The following ERI3 variants were observed in gnomAD, a reference collection of about 807,000 sequenced individuals.
The protein encoded by ERI3 is ERI1 exoribonuclease 3.
In ERI3, 18 loss-of-function variants were observed where a neutral mutation model predicts 44.4. The observed-to-expected ratio is 0.41, with a 90% confidence interval of 0.28 to 0.60. The LOEUF is 0.60. Among genes scored for constraint, ERI3 ranks in the 20% least tolerant of loss-of-function variants. The pLI is 0.36. For synonymous variants in ERI3, 183 were observed against 164.8 expected, an observed-to-expected ratio of 1.11 and a Z score of -0.84; for missense variants, 294 against 435.5, an observed-to-expected ratio of 0.68 and a Z score of 2.89.
intron 7 of ERI3, among the ~76,000 whole-genome samples, chr1:44,264,851 G>C (rs1037175419): frequency 6.6e-6 from 1 of 152,208 alleles, no homozygotes; most frequent in African/African-American, 2.4e-5. Context: ...CTAATTATGG[G>C]CTCAAACTAT....
intron 6 of ERI3, among the ~76,000 whole-genome samples, chr1:44,299,248 T>A (rs1460777543): frequency 6.6e-6 from 1 of 152,138 alleles, no homozygotes; most frequent in Non-Finnish European, 1.5e-5. Flanking sequence ...AGTGGCACAA[T>A]CATGGCTCAT....
chr1:44,265,654 A>T (rs1159428055), intron 7 of ERI3, among the ~76,000 whole-genome samples: 1 of 139,952 alleles, frequency 7.1e-6, no homozygotes, highest in African/African-American at 2.8e-5. Flanking sequence ...TGGGAGAATT[A>T]AAAAAAAAAA....
At position 44,339,340 on chromosome 1, in the gene ERI3, T is replaced by TAAAAA. The variant is rs372090718; in HGVS notation, c.212-23_212-19dup. On this transcript the variant is annotated intron_variant, in intron 2 of 8. Transcript: ENST00000372257. ...ATCTAAAACTTAGGGGAGGAAAGTT[T>TAAAAA]AAAAAAAAAAAAAAAAAAGAAAAGA... 13 of 976,690 alleles carry TAAAAA rather than the reference T, an allele frequency of 1.3e-5. No individual in the cohort carries two copies. Among genetic ancestry groups the TAAAAA allele is most frequent in the South Asian group, 3.6e-5 (1 of 28,102 alleles). 60.5% of individuals were successfully genotyped at this position (976,690 alleles called of 1,614,324 possible).
At chr1:44,292,177 G>T (rs1645520617) in intron 6 of ERI3, among the ~76,000 whole-genome samples, 1 of 152,084 alleles carries the variant, frequency 6.6e-6, no homozygotes, top group African/African-American at 2.4e-5. Flanking sequence ...GTCAGGAAAA[G>T]GATACTGGAG....
At chr1:44,353,607 A>T in intron 1 of ERI3, 1 of 985,448 alleles carries the variant, frequency 1.0e-6, no homozygotes, top group Non-Finnish European at 1.2e-6. Context: ...CCCCTGGGAA[A>T]AGGCCACTCA....
intron 7 of ERI3, among the ~76,000 whole-genome samples, chr1:44,272,598 T>C (rs1444157526): frequency 6.6e-6 from 1 of 152,088 alleles, no homozygotes; most frequent in Non-Finnish European, 1.5e-5. Context: ...TCCCAGCACT[T>C]TGGGAGGTTG....
intron 8 of ERI3, among the ~76,000 whole-genome samples, chr1:44,239,458 G>C (rs937589034): frequency 6.6e-6 from 1 of 152,196 alleles, no homozygotes; most frequent in Non-Finnish European, 1.5e-5. Flanking sequence ...AGAACTAAGC[G>C]GCTGCAGGAG....
chr1:44,228,368 C>T lies in ERI3; in HGVS notation c.932-6728G>A, dbSNP rs1400466239. ...AGGCGATTTCTCTCACCGTAATAAG[C>T]GCGCTCCAAATAATTAGCGTGTTTT... On this transcript the variant is annotated intron_variant, in intron 8 of 8. Coordinates refer to ENST00000372257, the MANE Select transcript of ERI3 (RefSeq NM_024066.3). This position sits in a 1 kb window ranked among gnomAD's most constrained non-coding sequence, Gnocchi z 4.3. Among the ~76,000 whole-genome samples the T allele has an allele frequency of 6.6e-6, 1 of 152,168 alleles. No individual in the cohort carries two copies. The highest frequency in any genetic ancestry group is 1.5e-5 in the Non-Finnish European group (1 of 68,040).
rs961416442 is a variant in ERI3, at chr1:44,221,773, C to T, written c.932-133G>A. On this transcript the variant is annotated intron_variant, in intron 8 of 8. Transcript: ENST00000372257. The surrounding 1 kb of genome is among the most constrained non-coding windows in gnomAD (Gnocchi z 5.9). ...CAGGCTTTAGAGAGGGTGGTCCCATCCCCTGGTGGCAGCATTCCTAGCTTC... is the reference window on the plus strand; with the variant it reads ...CAGGCTTTAGAGAGGGTGGTCCCATTCCCTGGTGGCAGCATTCCTAGCTTC... 4.4e-6 allele frequency: 3 copies of T among 683,058 alleles called. No homozygotes were observed. The highest frequency in any genetic ancestry group is 2.9e-4 in the Middle Eastern group (1 of 3,450). The allele number at this position is 683,058 out of a possible 1,614,324, so 42.3% of individuals were successfully genotyped here.
At chr1:44,288,901 C>T (rs527991083) in intron 6 of ERI3, among the ~76,000 whole-genome samples, 1 of 151,916 alleles carries the variant, frequency 6.6e-6, no homozygotes, top group African/African-American at 2.4e-5. Flanking sequence ...ACATTCCTAC[C>T]AGATTGTGAT....
chr1:44,221,649 G>A lies in ERI3; in HGVS notation c.932-9C>T. The stretch of plus-strand genomic sequence containing the variant: ...AATGTTCTTGCAGTCGTCTAAAAAG[G>A]AGAGAAGACATTTAGATCAGCCCCA... On this transcript the variant is annotated splice_polypyrimidine_tract_variant and intron_variant, in intron 8 of 8. Coordinates refer to ENST00000372257, the MANE Select transcript of ERI3 (RefSeq NM_024066.3). This position sits in a 1 kb window ranked among gnomAD's most constrained non-coding sequence, Gnocchi z 5.9. 1 of 1,612,174 alleles carries A rather than the reference G, an allele frequency of 6.2e-7. No homozygotes were observed.
At chr1:44,283,346 A>G (rs1265938855) in intron 7 of ERI3, among the ~76,000 whole-genome samples, 1 of 152,240 alleles carries the variant, frequency 6.6e-6, no homozygotes, top group African/African-American at 2.4e-5. Context: ...CCAGATGGCC[A>G]TGTCTGGAAG....
intron 6 of ERI3, 123 bp downstream of exon 6, chr1:44,308,187 T>G (rs1217205131): frequency 1.3e-6 from 1 of 741,978 alleles, no homozygotes; most frequent in Non-Finnish European, 2.4e-6. Flanking sequence ...CTATCCCTGA[T>G]AGCCTCAAAG....
chr1:44,337,337 G>A (rs1433694613), intron 3 of ERI3, among the ~76,000 whole-genome samples: 9 of 152,208 alleles, frequency 5.9e-5, no homozygotes. Flanking sequence ...CTTACCCAGT[G>A]ACTGAAATAG....
intron 7 of ERI3, among the ~76,000 whole-genome samples, chr1:44,281,922 GTGTGTA>G (rs1286132724): frequency 7.5e-4 from 108 of 144,058 alleles, no homozygotes; most frequent in African/African-American, 1.6e-3. Context: ...GTGTGTGTGT[GTGTGTA>G]TGTATTCTTC....
At chr1:44,354,843 A>C (rs774153307) in intron 1 of ERI3, 49 bp downstream of exon 1, 59 of 1,313,070 alleles carry the variant, frequency 4.5e-5, no homozygotes, top group African/African-American at 1.4e-4. Flanking sequence ...CTCACCCCGC[A>C]TGCATTAACC....
chr1:44,270,998 C>A (rs558065009), intron 7 of ERI3, among the ~76,000 whole-genome samples: 1 of 152,316 alleles, frequency 6.6e-6, no homozygotes, highest in African/African-American at 2.4e-5. Flanking sequence ...AGGTCTTCTG[C>A]CAACGGTCTC....
At chr1:44,311,363 T>C (rs1645969085) in intron 5 of ERI3, among the ~76,000 whole-genome samples, 1 of 152,072 alleles carries the variant, frequency 6.6e-6, no homozygotes, top group Non-Finnish European at 1.5e-5. Context: ...GCTGGCTGCC[T>C]GCTAAGGGCC....
At chr1:44,332,972 G>A (rs911492244) in intron 3 of ERI3, among the ~76,000 whole-genome samples, 1 of 152,252 alleles carries the variant, frequency 6.6e-6, no homozygotes, top group Admixed American at 6.5e-5. Flanking sequence ...GAAGAGATGT[G>A]TTAAAGTAGA....
Sources: allele counts gnomAD v4.1 joint callset (sites outside exome capture counted in the v4.1 genomes callset), GRCh38; gene constraint gnomAD v4.1.1; non-coding constraint Gnocchi (gnomAD v3.1); transcripts MANE v1.5; gene names NCBI Gene and HGNC (gene_info 2026-07-23, HGNC 2026-07-21).